The following EYS variants were observed in gnomAD, a reference collection of about 807,000 sequenced individuals.
The protein encoded by EYS is protein eyes shut homolog.
EYS carries 250 observed loss-of-function variants against 282.1 expected under a neutral mutation model. The observed-to-expected ratio is 0.89, with a 90% CI of 0.80 to 0.98. The LOEUF (loss-of-function observed/expected upper bound fraction) is 0.98, where lower values mean the gene tolerates loss of function less well. Among genes scored for constraint, EYS ranks in the 50% least tolerant of loss-of-function variants. The probability of loss-of-function intolerance (pLI) is 0.00; values close to 1 mark genes in which losing one functional copy is unlikely to be tolerated. For synonymous variants in EYS, 1,355 were observed against 1,282.9 expected (o/e 1.06, Z -1.20); for missense variants, 4,016 against 3,709.0 (o/e 1.08, Z -2.15).
In EYS at chr6:65,273,882, A is replaced by G. The variant is rs532901153; in HGVS notation, c.2023+21981T>C. The stretch of plus-strand genomic sequence containing the variant: ...AAAATAAACAATCCTCCTGTTCTCC[A>G]TATTGGTCTCTCCTGTCCTCAGTTT... On this transcript the variant is annotated intron_variant, in intron 12 of 42. Transcript: ENST00000503581. Among the ~76,000 whole-genome samples, 7 of 152,264 alleles carry G rather than the reference A, an allele frequency of 4.6e-5. No homozygotes were observed. In the East Asian group the frequency reaches 1.2e-3, roughly 25 times the overall value.
rs934094398 is a variant in EYS at position 63,720,541 on chromosome 6, A to T, written c.*55T>A. On this transcript the variant is annotated 3_prime_UTR_variant, in exon 43 of 43. Coordinates refer to ENST00000503581, the MANE Select transcript of EYS (RefSeq NM_001142800.2). ...CCGTAAGCAATGTATCAAAGAAATAACTATCAAAATAACTGCATTTATGTA... is the reference window on the plus strand; with the variant it reads ...CCGTAAGCAATGTATCAAAGAAATATCTATCAAAATAACTGCATTTATGTA... The T allele has an allele frequency of 3.1e-6, 4 of 1,281,850 alleles. No homozygotes were observed. The highest frequency in any genetic ancestry group is 3.0e-5 in the African/African-American group (2 of 66,184). 79.4% of individuals were successfully genotyped at this position (1,281,850 alleles called of 1,614,324 possible). A position where few individuals can be genotyped will look rare whatever the true frequency, so the allele number is the denominator to read the frequency against.
rs1035044664 is a variant in EYS, at chr6:64,111,380, G to A, written c.6425-29378C>T. On this transcript the variant is annotated intron_variant, in intron 31 of 42. Transcript: ENST00000503581. ...AGGAGAAAAAGAGGCTATAGGAGTC[G>A]AGCACGGATGGAAGAATTGGCCTTA... Among the ~76,000 whole-genome samples the A allele has an allele frequency of 9.9e-5, 15 of 152,108 alleles. 1 individual carries two copies. The highest frequency in any genetic ancestry group is 4.1e-4 in the South Asian group (2 of 4,830).
intron 14 of EYS, among the ~76,000 whole-genome samples, chr6:64,958,538 G>A (rs1027241961): frequency 4.0e-5 from 6 of 151,862 alleles, no homozygotes; most frequent in Non-Finnish European, 8.8e-5. Context: ...ACGAGGTCAG[G>A]AGATCGAGAC....
Position 64,374,567 on chromosome 6 carries a change from G to A in EYS, c.6078+14123C>T, listed in dbSNP as rs185691466. Among the ~76,000 whole-genome samples, 7 of 152,200 alleles carry A rather than the reference G, an allele frequency of 4.6e-5. No individual in the cohort carries two copies. In the East Asian group the frequency reaches 1.4e-3, roughly 29 times the overall value. ...AGCTCCATGCTGAGGCCAGATAGGC[G>A]GGTGCCCAGCTTTGCTCTTCTCTGC... On this transcript the variant is annotated intron_variant, in intron 29 of 42. Coordinates refer to ENST00000503581, the MANE Select transcript of EYS (RefSeq NM_001142800.2).
At chr6:65,353,646 A>T in intron 8 of EYS, 29 bp from the exon 9 acceptor site, 1 of 1,592,524 alleles carries the variant, frequency 6.3e-7, no homozygotes, top group Non-Finnish European at 8.6e-7. Flanking sequence ...GAAAAATGGT[A>T]AATTCTTTTT....
At chr6:64,917,203 C>T (rs1387300391) in intron 15 of EYS, among the ~76,000 whole-genome samples, 3 of 150,414 alleles carry the variant, frequency 2.0e-5, no homozygotes, top group South Asian at 4.2e-4. Flanking sequence ...GAGCAGAGAT[C>T]GTGCCACTGC....
chr6:63,989,256 A>G (rs1767503582), intron 34 of EYS, among the ~76,000 whole-genome samples: 1 of 151,696 alleles, frequency 6.6e-6, no homozygotes, highest in Non-Finnish European at 1.5e-5. Flanking sequence ...CATTATCTGA[A>G]TTGTATGGAA....
At chr6:65,592,405 GA>G (rs1374715711) in intron 2 of EYS, among the ~76,000 whole-genome samples, 1 of 151,840 alleles carries the variant, frequency 6.6e-6, no homozygotes, top group African/African-American at 2.4e-5. Flanking sequence ...TTATGAAACA[GA>G]TATTTTATTA....
intron 1 of EYS, among the ~76,000 whole-genome samples, chr6:65,685,943 G>T (rs998803780): frequency 1.1e-4 from 17 of 152,104 alleles, no homozygotes; most frequent in South Asian, 6.2e-4. Flanking sequence ...ACCATATGGT[G>T]TGCTTCCCAG....
chr6:65,093,790 T>C (rs555610430), intron 12 of EYS, among the ~76,000 whole-genome samples: 14 of 151,930 alleles, frequency 9.2e-5, no homozygotes, highest in African/African-American at 3.4e-4. Context: ...AATAATTACT[T>C]TGAATATAAA....
chr6:65,437,627 T>G (rs780621340), intron 5 of EYS, among the ~76,000 whole-genome samples: 1 of 152,200 alleles, frequency 6.6e-6, no homozygotes, highest in Non-Finnish European at 1.5e-5. Flanking sequence ...TCATGTATGC[T>G]TCTTTAAGAA....
At chr6:63,962,030 C>A (rs932854390) in intron 35 of EYS, among the ~76,000 whole-genome samples, 1 of 152,026 alleles carries the variant, frequency 6.6e-6, no homozygotes, top group African/African-American at 2.4e-5. Context: ...ATTTAATAAA[C>A]GGTGTTGGGA....
chr6:65,319,556 T>C (rs1769413708), intron 11 of EYS, among the ~76,000 whole-genome samples: 1 of 152,058 alleles, frequency 6.6e-6, no homozygotes, highest in Admixed American at 6.6e-5. Flanking sequence ...TCAAAAACAT[T>C]GTTGAATTAT....
At chr6:64,064,853 T>C (rs1023731803) in intron 33 of EYS, among the ~76,000 whole-genome samples, 2 of 152,222 alleles carry the variant, frequency 1.3e-5, no homozygotes, top group Non-Finnish European at 2.9e-5. Context: ...AGTTTTCTGT[T>C]ATTTAGCTTC....
At chr6:64,484,912 C>T (rs1251215628) in intron 26 of EYS, among the ~76,000 whole-genome samples, 1 of 151,550 alleles carries the variant, frequency 6.6e-6, no homozygotes, top group Non-Finnish European at 1.5e-5. Flanking sequence ...GCAAGACAAG[C>T]CAAGGCCTGG....
At chr6:65,326,830 C>T (rs75562291) in intron 11 of EYS, among the ~76,000 whole-genome samples, 6,962 of 151,530 alleles carry the variant, frequency 0.046, 224 homozygotes, top group South Asian at 0.079. Flanking sequence ...TATTAGTCTT[C>T]ATTTTATTTT....
In EYS at chr6:65,394,939, T is replaced by G. The variant is rs539811689; in HGVS notation, c.1184+7539A>C. The stretch of plus-strand genomic sequence containing the variant: ...ATTTCAAGATGATGCCATCAAACCA[T>G]GCTACCCATATCTTCTCCTGTCATA... On this transcript the variant is annotated intron_variant, in intron 7 of 42. Coordinates refer to ENST00000503581, the MANE Select transcript of EYS (RefSeq NM_001142800.2). Among the ~76,000 whole-genome samples, 10 of 152,314 alleles carry G rather than the reference T, an allele frequency of 6.6e-5. No homozygotes were observed. In the East Asian group the frequency reaches 1.9e-3, roughly 29 times the overall value.
rs142686855 is a variant in EYS at position 65,587,476 on chromosome 6, C to T, written c.-333+52302G>A. Among the ~76,000 whole-genome samples the T allele has an allele frequency of 2.9e-3, 440 of 152,174 alleles. 3 individuals carry two copies. The highest frequency in any genetic ancestry group is 1.0e-2 in the African/African-American group (414 of 41,542). ...TTTTTGTAAGGGGCTTCCCCCTTCCCTTAGCTCTCTCCTTCCTGCCGCCAT... is the reference window on the plus strand; with the variant it reads ...TTTTTGTAAGGGGCTTCCCCCTTCCTTTAGCTCTCTCCTTCCTGCCGCCAT... On this transcript the variant is annotated intron_variant, in intron 2 of 42. Transcript: ENST00000503581.
At chr6:64,662,452 A>C (rs1769071718) in intron 22 of EYS, among the ~76,000 whole-genome samples, 1 of 152,154 alleles carries the variant, frequency 6.6e-6, no homozygotes, top group Non-Finnish European at 1.5e-5. Flanking sequence ...TAGAGATGCA[A>C]ATACTTTCTG....
Sources: allele counts gnomAD v4.1 joint callset (sites outside exome capture counted in the v4.1 genomes callset), GRCh38; gene constraint gnomAD v4.1.1; transcripts MANE v1.5; gene names NCBI Gene and HGNC (gene_info 2026-07-23, HGNC 2026-07-21).